ZZEF1: variants seen among roughly 807,000 people sequenced by gnomAD.
ZZEF1 encodes zinc finger ZZ-type and EF-hand domain-containing protein 1.
A neutral mutation model predicts 342.8 loss-of-function variants in ZZEF1; 157 were observed. The observed-to-expected ratio is 0.46, with a 90% confidence interval of 0.40 to 0.52. The LOEUF is 0.52. Among genes scored for constraint, ZZEF1 ranks in the 20% least tolerant of loss-of-function variants. The probability of loss-of-function intolerance (pLI) is 0.00; values close to 1 mark genes in which losing one functional copy is unlikely to be tolerated. For synonymous variants in ZZEF1, 1,505 were observed against 1,429.1 expected, an observed-to-expected ratio of 1.05 and a Z score of -1.20; for missense variants, 3,480 against 3,725.6, an observed-to-expected ratio of 0.93 and a Z score of 1.72.
chr17:4,042,421 G>C lies in ZZEF1; in HGVS notation c.6306+8C>G. The C allele has an allele frequency of 1.9e-6, 3 of 1,606,934 alleles. No homozygotes were observed. The highest frequency in any genetic ancestry group is 2.5e-6 in the Non-Finnish European group (3 of 1,177,718). ...CCACCCCCACTTTTAAAAATAAATTGCCCTTACCGACTTTAAGGGAGGTAA... is the reference window on the plus strand; with the variant it reads ...CCACCCCCACTTTTAAAAATAAATTCCCCTTACCGACTTTAAGGGAGGTAA... On this transcript the variant is annotated splice_region_variant and intron_variant, in intron 39 of 54. Coordinates refer to ENST00000381638, the MANE Select transcript of ZZEF1 (RefSeq NM_015113.4).
At position 4,064,375 on chromosome 17, in the gene ZZEF1, C is replaced by T. The variant is rs371860779; in HGVS notation, c.4704G>A (p.Ser1568=). The T allele has an allele frequency of 3.5e-5, 56 of 1,590,306 alleles. No individual in the cohort carries two copies. The highest frequency in any genetic ancestry group is 6.8e-5 in the South Asian group (6 of 88,790). The change falls in exon 29 of 55, where the codon TCG becomes TCA. Residue 1568 remains serine, a synonymous_variant. Transcript: ENST00000381638. ...KDVMDFIKDQ[S]LSHRSVVKVL... ...AACGGGCTTACCTCCTGTGCGAGAG[C>T]GACTGATCCTTAATGAAGTCCATGA...
rs146565483 is a variant in ZZEF1 at position 4,066,529 on chromosome 17, C to T, written c.4167G>A (p.Lys1389=). Residue 1389 remains lysine, a synonymous_variant, in exon 28 of 55, where the codon AAG becomes AAA. Coordinates refer to ENST00000381638, the MANE Select transcript of ZZEF1 (RefSeq NM_015113.4). The part of the protein sequence containing the change: ...DGIRIWMLEM[K]QKSLMSLGNE... Reference sequence around the variant, plus strand: ...TCCCCAGGCTCATCAGGGACTTCTGCTTCATCTCTAACTAGGGGAGAATTT... The same window carrying T: ...TCCCCAGGCTCATCAGGGACTTCTGTTTCATCTCTAACTAGGGGAGAATTT... 241 of 1,614,020 alleles carry T rather than the reference C, an allele frequency of 1.5e-4. No individual in the cohort carries two copies. The highest frequency in any genetic ancestry group is 2.0e-4 in the Non-Finnish European group (234 of 1,180,032).
chr17:4,075,992 T>C (rs2057607131), intron 21 of ZZEF1: 1 of 152,340 alleles, frequency 6.6e-6, no homozygotes, highest in African/African-American at 2.4e-5. Context: ...AGAAATTTCT[T>C]CTAAAGACAA....
Position 4,070,873 on chromosome 17 carries a change from G to C in ZZEF1, c.3886C>G (p.Gln1296Glu), listed in dbSNP as rs2057495064. 1 of 1,614,042 alleles carries C rather than the reference G, an allele frequency of 6.2e-7. No homozygotes were observed. Among genetic ancestry groups the C allele is most frequent in the Non-Finnish European group, 8.5e-7 (1 of 1,180,006 alleles). Residue 1296 changes from glutamine (Q) to glutamate (E), a missense_variant, in exon 26 of 55, where the codon CAG becomes GAG. Physicochemically the swap from Gln to Glu is conservative, Grantham distance 29. This residue lies in a region of ZZEF1 where 1,528 missense variants were observed against 1,624.1 expected (regional missense o/e 0.94). Transcript: ENST00000381638. ...CAGAAGTTCTGAGCAGGCTCTGACTGGGCAAAATCAAGAAGAAAATGGCGG... is the reference window on the plus strand; with the variant it reads ...CAGAAGTTCTGAGCAGGCTCTGACTCGGCAAAATCAAGAAGAAAATGGCGG... ...PCRHFLLDFA[Q>E]SEPAQNFCGP...
At chr17:4,011,339 G>C (rs1567757306) in intron 52 of ZZEF1, among the ~76,000 whole-genome samples, 1 of 152,068 alleles carries the variant, frequency 6.6e-6, no homozygotes, top group Non-Finnish European at 1.5e-5. Flanking sequence ...GGGAGGTGGA[G>C]GCCTCAGTGA....
Position 4,088,902 on chromosome 17 carries a change from G to C in ZZEF1, c.2026-9C>G. The C allele has an allele frequency of 6.2e-7, 1 of 1,612,872 alleles. No individual in the cohort carries two copies. The highest frequency in any genetic ancestry group is 8.5e-7 in the Non-Finnish European group (1 of 1,179,430). On this transcript the variant is annotated splice_polypyrimidine_tract_variant and intron_variant, in intron 12 of 54. Coordinates refer to ENST00000381638, the MANE Select transcript of ZZEF1 (RefSeq NM_015113.4). ...AACTTCACCATCAAATACTGGACAG[G>C]ACAAGAGAGATTTCAATAGAAGAAC...
Position 4,064,780 on chromosome 17 carries a change from C to T in ZZEF1, c.4299G>A (p.Thr1433=), listed in dbSNP as rs1276605412. 2 of 1,607,784 alleles carry T rather than the reference C, an allele frequency of 1.2e-6. No individual in the cohort carries two copies. The highest frequency in any genetic ancestry group is 1.4e-5 in the African/African-American group (1 of 74,028). Reference sequence around the variant, plus strand: ...CGCAGCTTTCTTTTGAACTTATGCCCGTGGGCAGAAATTTTAGTAATAGAA... The same window carrying T: ...CGCAGCTTTCTTTTGAACTTATGCCTGTGGGCAGAAATTTTAGTAATAGAA... ...KSLLLLKFLP[T]GISSKESCEK... The change falls in exon 29 of 55, where the codon ACG becomes ACA. Residue 1433 remains threonine (T), a synonymous_variant. Coordinates refer to ENST00000381638, the MANE Select transcript of ZZEF1 (RefSeq NM_015113.4).
At chr17:4,045,178 T>C (rs1307490962) in intron 37 of ZZEF1, among the ~76,000 whole-genome samples, 1 of 151,888 alleles carries the variant, frequency 6.6e-6, no homozygotes, top group African/African-American at 2.4e-5. Flanking sequence ...ATAGTAACCA[T>C]TGCATCGCAT....
intron 1 of ZZEF1, among the ~76,000 whole-genome samples, chr17:4,125,111 C>T (rs75375654): frequency 0.073 from 11,108 of 152,194 alleles, 525 homozygotes; most frequent in Middle Eastern, 0.12. Flanking sequence ...ACCTCACCCT[C>T]TGGTGTCCCT....
rs1030805028 is a variant in ZZEF1, at chr17:4,142,895, T to TG, written c.-1dup. 3.0e-6 allele frequency: 4 copies of TG among 1,342,544 alleles called. No homozygotes were observed. In the Admixed American group the frequency reaches 1.6e-4, roughly 55 times the overall value. 83.2% of individuals were successfully genotyped at this position (1,342,544 alleles called of 1,614,324 possible). Reference sequence around the variant, plus strand: ...CTGCTGTGACTCGGAGCGTTCCCCATGGGGTCTCCGTCTTGGGCGCCTGGC... The same window carrying TG: ...CTGCTGTGACTCGGAGCGTTCCCCATGGGGGTCTCCGTCTTGGGCGCCTGGC... On this transcript the variant is annotated 5_prime_UTR_variant, in exon 1 of 55. Transcript: ENST00000381638.
chr17:4,088,994 C>T (rs566194223), intron 12 of ZZEF1, 101 bp from the exon 13 acceptor site: 9 of 1,098,052 alleles, frequency 8.2e-6, no homozygotes, highest in African/African-American at 1.6e-5. Context: ...CTATGATTTT[C>T]GTAATTTATT....
At chr17:4,086,044 T>C (rs868639710) in intron 15 of ZZEF1, among the ~76,000 whole-genome samples, 3 of 152,218 alleles carry the variant, frequency 2.0e-5, no homozygotes, top group Admixed American at 1.3e-4. Context: ...GAGACACAAC[T>C]TGGCAAAGCC....
In ZZEF1 at chr17:4,050,780, C is replaced by T; in HGVS notation, c.5863+1G>A. 1 of 1,613,606 alleles carries T rather than the reference C, an allele frequency of 6.2e-7. No individual in the cohort carries two copies. The highest frequency in any genetic ancestry group is 8.5e-7 in the Non-Finnish European group (1 of 1,180,018). On this transcript the variant is annotated splice_donor_variant, in intron 36 of 54. Coordinates refer to ENST00000381638, the MANE Select transcript of ZZEF1 (RefSeq NM_015113.4). LOFTEE classifies it high-confidence loss of function. ...TTGGTTTCTGTGCATTGGGAAGTCA[C>T]CTTTTCCCTGATGAGCCTTCATCAG...
At chr17:4,090,502 A>AT (rs1459060246) in intron 12 of ZZEF1, among the ~76,000 whole-genome samples, 14 of 152,330 alleles carry the variant, frequency 9.2e-5, no homozygotes, top group African/African-American at 3.4e-4. Flanking sequence ...TTCGAGTTAC[A>AT]TATTTTTCCC....
At chr17:4,015,885 A>G (rs2056087560) in intron 49 of ZZEF1, among the ~76,000 whole-genome samples, 1 of 152,232 alleles carries the variant, frequency 6.6e-6, no homozygotes, top group Non-Finnish European at 1.5e-5. Context: ...GATGGAAAAG[A>G]TGAGACTCTG....
At chr17:4,033,881 T>G in intron 40 of ZZEF1, 134 bp downstream of exon 40, 1 of 1,232,802 alleles carries the variant, frequency 8.1e-7, no homozygotes, top group East Asian at 2.3e-5. Context: ...AACCTAATTC[T>G]ATTTCCACAA....
chr17:4,102,253 G>T, intron 9 of ZZEF1, 64 bp downstream of exon 9: 1 of 1,419,554 alleles, frequency 7.0e-7, no homozygotes, highest in Non-Finnish European at 9.9e-7. Context: ...AGTCTGGAGT[G>T]TGCTTTCACA....
intron 26 of ZZEF1, among the ~76,000 whole-genome samples, chr17:4,069,049 A>G (rs1348650333): frequency 6.6e-6 from 1 of 152,250 alleles, no homozygotes; most frequent in Non-Finnish European, 1.5e-5. Context: ...AACAACCTGC[A>G]CACAGCAAGA....
intron 11 of ZZEF1, 108 bp from the exon 12 acceptor site, chr17:4,090,938 G>A: frequency 1.3e-6 from 1 of 798,250 alleles, no homozygotes; most frequent in Non-Finnish European, 2.1e-6. Flanking sequence ...TAGCCTGTCA[G>A]TGAACAATCG....
Sources: allele counts gnomAD v4.1 joint callset (sites outside exome capture counted in the v4.1 genomes callset), GRCh38; gene constraint gnomAD v4.1.1; regional missense constraint gnomAD v4.1.1; transcripts MANE v1.5; gene names NCBI Gene and HGNC (gene_info 2026-07-23, HGNC 2026-07-21).